The following PRMT8 variants were observed in gnomAD, a reference collection of about 807,000 sequenced individuals.
PRMT8 encodes protein arginine N-methyltransferase 8.
Under a neutral mutation model 47.1 loss-of-function variants are expected in PRMT8, and 7 were observed. The observed-to-expected ratio is 0.15, with a 90% confidence interval of 0.08 to 0.28. PRMT8 has a LOEUF of 0.28. Among genes scored for constraint, PRMT8 ranks in the 10% least tolerant of loss-of-function variants. The probability of loss-of-function intolerance (pLI) is 1.00; values close to 1 mark genes in which losing one functional copy is unlikely to be tolerated. For synonymous variants in PRMT8, 188 were observed against 186.5 expected (o/e 1.01, Z -0.07); for missense variants, 237 against 505.4 (o/e 0.47, Z 5.09).
intron 1 of PRMT8, among the ~76,000 whole-genome samples, chr12:3,428,684 G>A (rs1051564696): frequency 6.6e-6 from 1 of 151,260 alleles, no homozygotes; most frequent in African/African-American, 2.4e-5. Context: ...CTCTCTTTCT[G>A]TATTTCTTTC....
rs1056991022 is a variant in PRMT8 at position 3,409,027 on chromosome 12, G to T, written c.48+27585G>T. Among the ~76,000 whole-genome samples the T allele has an allele frequency of 6.6e-6, 1 of 152,194 alleles. No homozygotes were observed. Among genetic ancestry groups the T allele is most frequent in the African/African-American group, 2.4e-5 (1 of 41,454 alleles). ...ACATGGCCCACGAGTGGCTGCAGTG[G>T]TGCTGGGTTCTGGGGTGCAGGTGCT... On this transcript the variant is annotated intron_variant, in intron 1 of 9. Coordinates refer to the PRMT8 transcript ENST00000452611. This position sits in a 1 kb window ranked among gnomAD's most constrained non-coding sequence, Gnocchi z 4.4.
chr12:3,536,186 C>T lies in PRMT8; in HGVS notation c.76-4420C>T, dbSNP rs74056114. ...AGCAGGTAGTTGTAGAATTTAAAAG[C>T]ATCACCCCATGTAGCTGAATGTTCA... On this transcript the variant is annotated intron_variant, in intron 1 of 9. Transcript: ENST00000382622. Among the ~76,000 whole-genome samples, 1,274 of 152,324 alleles carry T rather than the reference C, an allele frequency of 8.4e-3. 26 individuals are homozygous for T. The highest frequency in any genetic ancestry group is 0.029 in the African/African-American group (1,200 of 41,568).
At position 3,538,942 on chromosome 12, in the gene PRMT8, G is replaced by A. The variant is rs1272236807; in HGVS notation, c.76-1664G>A. On this transcript the variant is annotated intron_variant, in intron 1 of 9. Transcript: ENST00000382622. The surrounding 1 kb of genome is among the most constrained non-coding windows in gnomAD (Gnocchi z 4.6). ...GTAGCCTAGGTACACTGGGAAGATG[G>A]GACCATCCCACTGCCCCCAGCTCAC... Among the ~76,000 whole-genome samples, 2 of 152,188 alleles carry A rather than the reference G, an allele frequency of 1.3e-5. No individual in the cohort carries two copies. Among genetic ancestry groups the A allele is most frequent in the Non-Finnish European group, 2.9e-5 (2 of 68,026 alleles).
intron 1 of PRMT8, among the ~76,000 whole-genome samples, chr12:3,394,735 T>A (rs1427301720): frequency 6.6e-6 from 1 of 152,086 alleles, no homozygotes; most frequent in African/African-American, 2.4e-5. Flanking sequence ...TAAAATGAGT[T>A]AGGGAGGATT....
At chr12:3,533,636 A>G (rs1257637328) in intron 1 of PRMT8, among the ~76,000 whole-genome samples, 1 of 152,180 alleles carries the variant, frequency 6.6e-6, no homozygotes, top group Non-Finnish European at 1.5e-5. Flanking sequence ...CTACCCTAGC[A>G]CAGTACACCC....
At chr12:3,490,574 T>C (rs947938106), upstream of PRMT8, among the ~76,000 whole-genome samples, 8 of 150,032 alleles carry the variant, frequency 5.3e-5, no homozygotes, top group Non-Finnish European at 1.2e-4. Context: ...AGTCTCGCAT[T>C]TGACTTTCTC....
Position 3,576,455 on chromosome 12 carries a change from A to C in PRMT8, c.713-416A>C, listed in dbSNP as rs1014185249. On this transcript the variant is annotated intron_variant, in intron 6 of 9. Transcript: ENST00000382622. The surrounding 1 kb of genome is among the most constrained non-coding windows in gnomAD (Gnocchi z 4.0). ...GGCCTTCTAGGTCTTCTAGGTGTGG[A>C]GAACAGCTCGAGACAGCATAGGAAT... 5.3e-5 allele frequency among the ~76,000 whole-genome samples: 8 copies of C among 152,316 alleles called. No individual in the cohort carries two copies. Among genetic ancestry groups the C allele is most frequent in the Non-Finnish European group, 1.0e-4 (7 of 68,024 alleles).
rs1866098429 is a variant in PRMT8 at position 3,535,282 on chromosome 12, A to G, written c.76-5324A>G. ...GCCCGAGGCCTGTTCACCCCAGTAG[A>G]GTGGGTAGACTAAGACAATCGCACT... On this transcript the variant is annotated intron_variant, in intron 1 of 9. Transcript: ENST00000382622. The surrounding 1 kb of genome is among the most constrained non-coding windows in gnomAD (Gnocchi z 4.7). Among the ~76,000 whole-genome samples, 3 of 152,176 alleles carry G rather than the reference A, an allele frequency of 2.0e-5. No homozygotes were observed. Among genetic ancestry groups the G allele is most frequent in the Admixed American group, 2.0e-4 (3 of 15,284 alleles).
chr12:3,507,410 C>T (rs563055033), intron 1 of PRMT8, among the ~76,000 whole-genome samples: 29 of 152,196 alleles, frequency 1.9e-4, no homozygotes, highest in African/African-American at 6.3e-4. Flanking sequence ...CGTGAACCAC[C>T]GCGCCCAGCC....
intron 1 of PRMT8, among the ~76,000 whole-genome samples, chr12:3,452,389 C>T (rs904389574): frequency 6.6e-6 from 1 of 152,070 alleles, no homozygotes; most frequent in African/African-American, 2.4e-5. Context: ...TGCAAGAGCA[C>T]AGGAAACTTT....
chr12:3,517,823 A>G (rs150356775), intron 1 of PRMT8, among the ~76,000 whole-genome samples: 1 of 152,326 alleles, frequency 6.6e-6, no homozygotes, highest in Non-Finnish European at 1.5e-5. Context: ...AACCAGGGAA[A>G]AGGAAAAGCA....
At chr12:3,488,174 G>A (rs1865339903), upstream of PRMT8, among the ~76,000 whole-genome samples, 1 of 152,106 alleles carries the variant, frequency 6.6e-6, no homozygotes, top group East Asian at 1.9e-4. Flanking sequence ...TGTTGAACGG[G>A]CTACATGAGA....
intron 1 of PRMT8, among the ~76,000 whole-genome samples, chr12:3,398,269 C>T (rs1280288394): frequency 6.6e-6 from 1 of 152,020 alleles, no homozygotes; most frequent in Non-Finnish European, 1.5e-5. Flanking sequence ...AATGGGGGGG[C>T]CTTTGCAGGA....
chr12:3,442,131 G>A (rs1010031566), intron 1 of PRMT8, among the ~76,000 whole-genome samples: 3 of 152,166 alleles, frequency 2.0e-5, no homozygotes, highest in Admixed American at 1.3e-4. Context: ...AACGGATTGG[G>A]CAACTCAGCA....
At chr12:3,586,154 A>G (rs1391858511) in intron 8 of PRMT8, among the ~76,000 whole-genome samples, 11 of 152,158 alleles carry the variant, frequency 7.2e-5, no homozygotes, top group Non-Finnish European at 1.3e-4. Context: ...AGTCAAGCAG[A>G]CAGCCTGCTG....
chr12:3,510,254 G>A (rs901121133), intron 1 of PRMT8, among the ~76,000 whole-genome samples: 3 of 151,994 alleles, frequency 2.0e-5, no homozygotes, highest in South Asian at 2.1e-4. Flanking sequence ...TGCTCCCAGC[G>A]TGGTCCAGGT....
chr12:3,454,739 G>C (rs1864955835), intron 1 of PRMT8, among the ~76,000 whole-genome samples: 1 of 152,134 alleles, frequency 6.6e-6, no homozygotes, highest in Non-Finnish European at 1.5e-5. Context: ...ACCGCGGGTC[G>C]GCCTGCGCTC....
Position 3,580,378 on chromosome 12 carries a change from A to G in PRMT8, c.829-2680A>G, listed in dbSNP as rs1867038022. Among the ~76,000 whole-genome samples, 1 of 148,574 alleles carries G rather than the reference A, an allele frequency of 6.7e-6. No homozygotes were observed. The highest frequency in any genetic ancestry group is 2.1e-4 in the South Asian group (1 of 4,754). On this transcript the variant is annotated intron_variant, in intron 7 of 9. Coordinates refer to ENST00000382622, the MANE Select transcript of PRMT8 (RefSeq NM_019854.5). This position sits in a 1 kb window ranked among gnomAD's most constrained non-coding sequence, Gnocchi z 4.6. ...TGTGTGTGTGTGTGTACGCGTGCGC[A>G]TGCGGGATAGAAGGAGAAAGTAACC...
upstream of PRMT8, among the ~76,000 whole-genome samples, chr12:3,489,920 A>G (rs909711067): frequency 6.6e-6 from 1 of 151,234 alleles, no homozygotes; most frequent in African/African-American, 2.4e-5. Context: ...TCTATCCCTC[A>G]CTTCTCACCT....
Sources: gnomAD v4.1 joint callset for allele counts (sites outside exome capture counted in the v4.1 genomes callset) on GRCh38, gnomAD v4.1.1 for gene constraint, Gnocchi (gnomAD v3.1) non-coding constraint, MANE v1.5 for transcripts, NCBI Gene and HGNC (gene_info 2026-07-23, HGNC 2026-07-21) for gene names.